Variants in RMI2 observed in about 807,000 individuals in gnomAD.
The protein encoded by RMI2 is RecQ mediated genome instability 2.
Under a neutral mutation model 8.4 loss-of-function variants are expected in RMI2, and 11 were observed. The observed-to-expected ratio is 1.32, with a 90% CI of 0.83 to 2.18. RMI2 has a LOEUF of 2.18. Ranked by LOEUF, RMI2 falls within the 30% of genes most tolerant of loss-of-function variation. The pLI is 0.00. For missense variants in RMI2, 253 were observed against 207.5 expected (o/e 1.22, Z -1.35); for synonymous variants, 105 against 93.8 (o/e 1.12, Z -0.69).
chr16:11,348,732 A>C (rs1383884317), intron 1 of RMI2: 2 of 152,174 alleles, frequency 1.3e-5, no homozygotes, highest in African/African-American at 4.8e-5. Context: ...GTAAGGACCA[A>C]CCCTCCTGGG....
intron 1 of RMI2, among the ~76,000 whole-genome samples, chr16:11,350,016 G>C (rs36090551): frequency 2.0e-5 from 3 of 152,042 alleles, no homozygotes; most frequent in African/African-American, 7.2e-5. Flanking sequence ...ACAATGGGGC[G>C]GGGGGCTGCC....
intron 1 of RMI2, chr16:11,348,186 A>G (rs2070908607): frequency 6.6e-6 from 1 of 152,268 alleles, no homozygotes; most frequent in Non-Finnish European, 1.5e-5. Context: ...AATTTACAGA[A>G]TGTCTCGGGC....
Position 11,349,778 on chromosome 16 carries a change from G to A in RMI2, c.296-864G>A, listed in dbSNP as rs1478567015. Among the ~76,000 whole-genome samples the A allele has an allele frequency of 6.6e-6, 1 of 152,220 alleles. No individual in the cohort carries two copies. Among genetic ancestry groups the A allele is most frequent in the Admixed American group, 6.5e-5 (1 of 15,280 alleles). ...CCTCACGGGGCAGGCAGCAGGGCTG[G>A]CACCGGGCCTGTCCTTCCTGCAGCA... is the stretch of plus-strand genomic sequence containing the variant. On this transcript the variant is annotated intron_variant, in intron 1 of 1. Coordinates refer to ENST00000312499, the MANE Select transcript of RMI2 (RefSeq NM_152308.3). The surrounding 1 kb of genome is among the most constrained non-coding windows in gnomAD (Gnocchi z 4.2).
intron 1 of RMI2, chr16:11,348,048 G>T (rs1159332428): frequency 6.6e-6 from 1 of 152,230 alleles, no homozygotes; most frequent in Non-Finnish European, 1.5e-5. Flanking sequence ...GGGACTGCAG[G>T]TGTGAGTCAT....
At position 11,351,539 on chromosome 16, in the gene RMI2, G is replaced by A. The variant is rs981679980; in HGVS notation, c.*749G>A. Reference sequence around the variant, plus strand: ...GCTAAACTTCCACTTCATAACTTTCGGCGAGACATGGTGAGCCTCCTGGTG... The same window carrying A: ...GCTAAACTTCCACTTCATAACTTTCAGCGAGACATGGTGAGCCTCCTGGTG... On this transcript the variant is annotated 3_prime_UTR_variant, in exon 2 of 2. Transcript: ENST00000312499. 2 of 232,012 alleles carry A rather than the reference G, an allele frequency of 8.6e-6. No homozygotes were observed. Among genetic ancestry groups the A allele is most frequent in the African/African-American group, 2.2e-5 (1 of 45,264 alleles). 14.4% of individuals were successfully genotyped at this position (232,012 alleles called of 1,614,324 possible). A position where few individuals can be genotyped will look rare whatever the true frequency, so the allele number is the denominator to read the frequency against.
chr16:11,348,257 A>G (rs1597758458), intron 1 of RMI2: 1 of 152,268 alleles, frequency 6.6e-6, no homozygotes. Flanking sequence ...GGAAAAGCCC[A>G]AAATATTTGT....
Position 11,345,608 on chromosome 16 carries a change from C to T in RMI2, c.137C>T (p.Ala46Val), listed in dbSNP as rs935258737. Reference protein sequence around the residue: ...GGPGAWRLSRAAAGRGPLDLA... With the variant: ...GGPGAWRLSRVAAGRGPLDLA... ...CCGGGCGCGTGGCGGCTGTCACGGG[C>T]GGCGGCGGGCCGCGGGCCGCTGGAC... Residue 46 changes from alanine to valine, a missense_variant, in exon 1 of 2, where the codon GCG (alanine) becomes GTG (valine). Transcript: ENST00000312499. 2 of 1,224,306 alleles carry T rather than the reference C, an allele frequency of 1.6e-6. No individual in the cohort carries two copies. Among genetic ancestry groups the T allele is most frequent in the Non-Finnish European group, 2.0e-6 (2 of 983,654 alleles). The allele number at this position is 1,224,306 out of a possible 1,614,324, so 75.8% of individuals were successfully genotyped here.
intron 1 of RMI2, 86 bp downstream of exon 1, chr16:11,345,852 T>A: frequency 9.3e-7 from 1 of 1,079,224 alleles, no homozygotes; most frequent in Non-Finnish European, 1.2e-6. Context: ...TTGTTGACAC[T>A]CGAACGGGGG....
intron 1 of RMI2, 83 bp downstream of exon 1, chr16:11,345,849 C>A: frequency 1.8e-6 from 2 of 1,102,956 alleles, no homozygotes; most frequent in African/African-American, 1.6e-5. Context: ...TTGTTGTTGA[C>A]ACTCGAACGG....
intron 1 of RMI2, among the ~76,000 whole-genome samples, chr16:11,350,065 TG>T (rs2070944161): frequency 6.6e-6 from 1 of 152,174 alleles, no homozygotes; most frequent in South Asian, 2.1e-4. Context: ...AAAATTGGAT[TG>T]CTTAGTAACT....
chr16:11,348,260 A>G (rs1455337935), intron 1 of RMI2: 1 of 152,264 alleles, frequency 6.6e-6, no homozygotes, highest in Non-Finnish European at 1.5e-5. Flanking sequence ...AAAGCCCAAA[A>G]TATTTGTCTC....
intron 1 of RMI2, 119 bp downstream of exon 1, chr16:11,345,885 C>T (rs1162844847): frequency 1.3e-5 from 10 of 796,112 alleles, no homozygotes; most frequent in Non-Finnish European, 1.7e-5. Flanking sequence ...GGCCCTCCTC[C>T]GGGCCTCTGC....
chr16:11,346,082 A>G (rs941818614), intron 1 of RMI2, among the ~76,000 whole-genome samples: 2 of 152,120 alleles, frequency 1.3e-5, no homozygotes, highest in Non-Finnish European at 2.9e-5. Context: ...CCCAGTTGAT[A>G]TCCTTGTTTT....
At chr16:11,347,671 CTG>C (rs1191656155) in intron 1 of RMI2, among the ~76,000 whole-genome samples, 7 of 152,226 alleles carry the variant, frequency 4.6e-5, no homozygotes, top group African/African-American at 1.4e-4. Context: ...AGCCTTCCCT[CTG>C]TCTGCCTGCC....
Position 11,345,592 on chromosome 16 carries a change from T to C in RMI2, c.121T>C (p.Trp41Arg), listed in dbSNP as rs2070849686. ...CGACGCGGAGGGCGGCCCGGGCGCG[T>C]GGCGGCTGTCACGGGCGGCGGCGGG... ...RRDAEGGPGA[W>R]RLSRAAAGRG... Residue 41 changes from tryptophan to arginine, a missense_variant, in exon 1 of 2, where the codon TGG (tryptophan) becomes CGG (arginine). Trp to Arg is a moderately radical substitution (Grantham distance 101). Coordinates refer to ENST00000312499, the MANE Select transcript of RMI2 (RefSeq NM_152308.3). The C allele has an allele frequency of 2.5e-6, 3 of 1,222,860 alleles. No homozygotes were observed. Among genetic ancestry groups the C allele is most frequent in the Non-Finnish European group, 1.0e-6 (1 of 983,204 alleles). The allele number at this position is 1,222,860 out of a possible 1,614,324, so 75.8% of individuals were successfully genotyped here.
chr16:11,346,250 C>G (rs1029952290), intron 1 of RMI2, among the ~76,000 whole-genome samples: 2 of 140,160 alleles, frequency 1.4e-5, no homozygotes, highest in African/African-American at 5.1e-5. Flanking sequence ...ATGTTTGCCT[C>G]CTCTCTTTTT....
chr16:11,347,186 T>G (rs552596720), intron 1 of RMI2, among the ~76,000 whole-genome samples: 11 of 152,300 alleles, frequency 7.2e-5, no homozygotes, highest in Non-Finnish European at 1.5e-4. Context: ...ATCGCTGATC[T>G]TTGGGGAGCC....
chr16:11,345,786 G>T lies in RMI2; in HGVS notation c.295+20G>T, dbSNP rs1467409853. ...TCCCAGGTAATGCCCGGGCCTTACCGGGCGCCCTCTTCCCTGCTGCCCGCC... is the reference window on the plus strand; with the variant it reads ...TCCCAGGTAATGCCCGGGCCTTACCTGGCGCCCTCTTCCCTGCTGCCCGCC... On this transcript the variant is annotated intron_variant, in intron 1 of 1. Transcript: ENST00000312499. 3.2e-6 allele frequency: 4 copies of T among 1,231,360 alleles called. No individual in the cohort carries two copies. Among genetic ancestry groups the T allele is most frequent in the Non-Finnish European group, 4.1e-6 (4 of 987,218 alleles). The allele number at this position is 1,231,360 out of a possible 1,614,324, so 76.3% of individuals were successfully genotyped here.
intron 1 of RMI2, among the ~76,000 whole-genome samples, chr16:11,347,217 G>C (rs974541927): frequency 6.6e-6 from 1 of 152,240 alleles, no homozygotes; most frequent in Middle Eastern, 3.2e-3. Context: ...GCAAGGTGCT[G>C]AGTGGCCCGG....
Sources: allele counts gnomAD v4.1 joint callset (sites outside exome capture counted in the v4.1 genomes callset), GRCh38; gene constraint gnomAD v4.1.1; non-coding constraint Gnocchi (gnomAD v3.1); transcripts MANE v1.5; gene names NCBI Gene and HGNC (gene_info 2026-07-23, HGNC 2026-07-21).